The following PRTN3 variants were observed in gnomAD, a reference collection of about 807,000 sequenced individuals.
The protein encoded by PRTN3 is myeloblastin.
A neutral mutation model predicts 20.7 loss-of-function variants in PRTN3; 22 were observed. That is an observed-to-expected ratio of 1.06 (90% CI 0.76 to 1.52). The LOEUF (loss-of-function observed/expected upper bound fraction) is 1.52, where lower values mean the gene tolerates loss of function less well. Among genes scored for constraint, PRTN3 ranks in the 40% most tolerant of loss-of-function variants. The probability of loss-of-function intolerance (pLI) is 0.00; values close to 1 mark genes in which losing one functional copy is unlikely to be tolerated. For synonymous variants in PRTN3, 173 were observed against 152.9 expected (o/e 1.13, Z -0.97); for missense variants, 378 against 359.6 (o/e 1.05, Z -0.41).
Position 846,300 on chromosome 19 carries a change from G to A in PRTN3, c.523G>A (p.Val175Ile), listed in dbSNP as rs775120215. The change falls in exon 4 of 5, where the codon GTC becomes ATC. Residue 175 changes from valine (V) to isoleucine (I), a missense_variant. Transcript: ENST00000234347. ...PPAQVLQELN[V>I]TVVTFFCRPH... ...AGCCCAGGTCCTGCAGGAGCTCAAT[G>A]TCACCGTGGTCACCTTCTTCTGCCG... The A allele has an allele frequency of 6.3e-7, 1 of 1,593,230 alleles. No individual in the cohort carries two copies. Among genetic ancestry groups the A allele is most frequent in the South Asian group, 1.1e-5 (1 of 87,648 alleles).
intron 3 of PRTN3, among the ~76,000 whole-genome samples, chr19:845,579 C>T (rs550573813): frequency 2.0e-4 from 31 of 151,714 alleles, no homozygotes; most frequent in African/African-American, 5.6e-4. Flanking sequence ...CTGGGCGTGA[C>T]GGCAGGTGTC....
chr19:843,637 G>C lies in PRTN3; in HGVS notation c.227+11G>C, dbSNP rs1168703771. On this transcript the variant is annotated intron_variant, in intron 2 of 4. Transcript: ENST00000234347. Reference sequence around the variant, plus strand: ...CTGCCTGCGGGACATGTGAGCGGCCGCCTCCACACCCCTGTCCGCCCGCCC... The same window carrying C: ...CTGCCTGCGGGACATGTGAGCGGCCCCCTCCACACCCCTGTCCGCCCGCCC... The C allele has an allele frequency of 1.9e-6, 3 of 1,539,476 alleles. No individual in the cohort carries two copies. The highest frequency in any genetic ancestry group is 2.2e-4 in the Middle Eastern group (1 of 4,644).
chr19:841,155 C>T (rs1481774736), intron 1 of PRTN3, 86 bp downstream of exon 1: 3 of 1,510,636 alleles, frequency 2.0e-6, no homozygotes, highest in Non-Finnish European at 2.7e-6. Flanking sequence ...ATCCAAAGCC[C>T]TTCTGGCACA....
intron 1 of PRTN3, 147 bp downstream of exon 1, chr19:841,216 C>G: frequency 2.7e-6 from 3 of 1,105,536 alleles, no homozygotes; most frequent in Non-Finnish European, 2.6e-6. Context: ...CTGCTCGGGA[C>G]CAACGCTTGC....
intron 3 of PRTN3, among the ~76,000 whole-genome samples, chr19:844,820 G>A (rs1380007262): frequency 1.3e-5 from 2 of 152,048 alleles, no homozygotes; most frequent in Non-Finnish European, 2.9e-5. Flanking sequence ...AAGTGCTTGG[G>A]GCTGGGCACT....
intron 1 of PRTN3, among the ~76,000 whole-genome samples, chr19:842,140 C>T (rs2035453125): frequency 1.3e-5 from 2 of 151,758 alleles, no homozygotes; most frequent in South Asian, 4.2e-4. Context: ...ATTCTCCTGC[C>T]TCCGCCTCTT....
chr19:846,576 G>A (rs1037179806), intron 4 of PRTN3, among the ~76,000 whole-genome samples, 199 bp downstream of exon 4: 1 of 152,162 alleles, frequency 6.6e-6, no homozygotes, highest in Non-Finnish European at 1.5e-5. Context: ...CTGCTTGGGT[G>A]GGTCTGGGGG....
intron 1 of PRTN3, among the ~76,000 whole-genome samples, chr19:842,571 C>G (rs956279291): frequency 1.3e-4 from 18 of 143,710 alleles, no homozygotes; most frequent in Admixed American, 2.8e-4. Flanking sequence ...AGGTGCGAAC[C>G]ACCACACCTG....
At chr19:843,401 G>A (rs1043544250) in intron 1 of PRTN3, 60 bp from the exon 2 acceptor site, 16 of 1,469,448 alleles carry the variant, frequency 1.1e-5, no homozygotes, top group Non-Finnish European at 1.2e-5. Context: ...GGGCTGCTCT[G>A]CCATCCCCCC....
chr19:847,771 T>A lies in PRTN3; in HGVS notation c.601-28T>A. ...CCAGGGAGACTCAGGTGGCCCCTGA[T>A]GGGTGACTGGCCGTCCCTGTCCTCC... On this transcript the variant is annotated intron_variant, in intron 4 of 4. Transcript: ENST00000234347. 2.5e-6 allele frequency: 4 copies of A among 1,591,184 alleles called. No individual in the cohort carries two copies. The South Asian group carries it at 4.5e-5, about 18-fold the overall frequency.
At chr19:841,269 G>T (rs1214234919) in intron 1 of PRTN3, among the ~76,000 whole-genome samples, 200 bp downstream of exon 1, 1 of 152,228 alleles carries the variant, frequency 6.6e-6, no homozygotes, top group Non-Finnish European at 1.5e-5. Flanking sequence ...CTGGCCATTT[G>T]ACTCAGTTGC....
chr19:844,159 C>G, intron 3 of PRTN3, 125 bp downstream of exon 3: 1 of 1,314,632 alleles, frequency 7.6e-7, no homozygotes, highest in Non-Finnish European at 1.0e-6. Context: ...CCGCTGCAGC[C>G]TGGGTCCAGT....
At chr19:841,934 A>G (rs1030669397) in intron 1 of PRTN3, among the ~76,000 whole-genome samples, 4 of 151,654 alleles carry the variant, frequency 2.6e-5, no homozygotes, top group African/African-American at 9.7e-5. Flanking sequence ...TCAAGGTGTT[A>G]GCCAGGATGG....
At chr19:841,542 GA>G in intron 1 of PRTN3, among the ~76,000 whole-genome samples, 1 of 55,322 alleles carries the variant, frequency 1.8e-5, no homozygotes, top group East Asian at 4.0e-4. Context: ...ATCAATGAGT[GA>G]GTGAATGAAT....
chr19:846,549 G>A (rs1318646129), intron 4 of PRTN3, among the ~76,000 whole-genome samples, 172 bp downstream of exon 4: 1 of 151,902 alleles, frequency 6.6e-6, no homozygotes, highest in African/African-American at 2.4e-5. Flanking sequence ...GGGTGGGGGC[G>A]CTCACATTGC....
chr19:841,454 GAATGAGTGAATGAATC>G, intron 1 of PRTN3, among the ~76,000 whole-genome samples: 1 of 152,168 alleles, frequency 6.6e-6, no homozygotes. Context: ...GTGAACAAAT[GAATGAGTGAATGAATC>G]AATGAGTGAG....
intron 1 of PRTN3, chr19:843,204 C>G (rs10421786): frequency 0.028 from 14,724 of 517,854 alleles, 1,711 homozygotes; most frequent in African/African-American, 0.26. Context: ...GCGTGAGCCA[C>G]TGCACCCAGC....
chr19:846,156 C>A lies in PRTN3; in HGVS notation c.379C>A (p.Pro127Thr). The change falls in exon 4 of 5, where the codon CCA (proline) becomes ACA (threonine). Residue 127 changes from proline (P) to threonine (T), a missense_variant. Coordinates refer to ENST00000234347, the MANE Select transcript of PRTN3 (RefSeq NM_002777.4). Reference protein sequence around the residue: ...NDVLLIQLSSPANLSASVATV... With the variant: ...NDVLLIQLSSTANLSASVATV... The stretch of plus-strand genomic sequence containing the variant: ...CTGCCTTCTGCCCCAGCTGAGCAGC[C>A]CAGCCAACCTCAGTGCCTCCGTCGC... The A allele has an allele frequency of 6.9e-7, 1 of 1,459,088 alleles. No homozygotes were observed. The highest frequency in any genetic ancestry group is 9.1e-7 in the Non-Finnish European group (1 of 1,104,000). The allele number at this position is 1,459,088 out of a possible 1,614,324, so 90.4% of individuals were successfully genotyped here.
rs750699867 is a variant in PRTN3, at chr19:843,448, T to TC, written c.62-6dup. The TC allele has an allele frequency of 2.4e-5, 37 of 1,544,034 alleles. No individual in the cohort carries two copies. Among genetic ancestry groups the TC allele is most frequent in the East Asian group, 2.2e-4 (9 of 41,428 alleles). On this transcript the variant is annotated splice_polypyrimidine_tract_variant and intron_variant, in intron 1 of 4. Coordinates refer to ENST00000234347, the MANE Select transcript of PRTN3 (RefSeq NM_002777.4). ...CCTGGGGGCTCCCTGACGCCTGGAC[T>TC]CCCCCCCTGCAGGTGCTGCCCGAGC...
Sources: gnomAD v4.1 joint callset for allele counts (sites outside exome capture counted in the v4.1 genomes callset) on GRCh38, gnomAD v4.1.1 for gene constraint, MANE v1.5 for transcripts, NCBI Gene and HGNC (gene_info 2026-07-23, HGNC 2026-07-21) for gene names.